Variants in TAF9 observed in about 807,000 individuals in gnomAD.
The protein encoded by TAF9 is transcription initiation factor TFIID subunit 9.
A neutral mutation model predicts 16.5 loss-of-function variants in TAF9; 10 were observed. The ratio of observed to expected loss-of-function variants is 0.61; its 90% confidence interval spans 0.37 to 1.03. The LOEUF (loss-of-function observed/expected upper bound fraction) is 1.03. Among genes scored for constraint, TAF9 ranks in the 50% least tolerant of loss-of-function variants. TAF9 has a pLI of 0.01. For missense variants in TAF9, 288 were observed against 319.1 expected, an observed-to-expected ratio of 0.90 and a Z score of 0.74; for synonymous variants, 105 against 120.5, an observed-to-expected ratio of 0.87 and a Z score of 0.84.
chr5:69,366,691 C>T (rs567379898), intron 1 of TAF9, 96 bp from the exon 2 acceptor site: 13 of 857,288 alleles, frequency 1.5e-5, no homozygotes, highest in Admixed American at 1.2e-4. Context: ...GAGACAGAGT[C>T]TCACCTGGCC....
At position 69,365,174 on chromosome 5, in the gene TAF9, T is replaced by C; in HGVS notation, c.564A>G (p.Thr188=). 1.2e-6 allele frequency: 2 copies of C among 1,614,238 alleles called. No homozygotes were observed. Among genetic ancestry groups the C allele is most frequent in the Non-Finnish European group, 8.5e-7 (1 of 1,180,034 alleles). ...TPMSLTGQRF[T]VQMPTSQSPA... is the part of the protein sequence containing the mutation. ...GAGACTGAGAAGTAGGCATCTGTACTGTAAACCTTTGACCTGTGAGGGACA... is the reference window on the plus strand; with the variant it reads ...GAGACTGAGAAGTAGGCATCTGTACCGTAAACCTTTGACCTGTGAGGGACA... Residue 188 remains threonine, a synonymous_variant, in exon 3 of 3, where the codon ACA becomes ACG. Coordinates refer to ENST00000217893, the MANE Select transcript of TAF9 (RefSeq NM_003187.5).
chr5:69,367,797 C>T (rs1340587447), intron 1 of TAF9: 2 of 152,188 alleles, frequency 1.3e-5, no homozygotes, highest in African/African-American at 2.4e-5. Context: ...TCCCCACCTC[C>T]ACCTCCCAAA....
At chr5:69,367,150 G>C (rs1339791587) in intron 1 of TAF9, among the ~76,000 whole-genome samples, 1 of 152,122 alleles carries the variant, frequency 6.6e-6, no homozygotes, top group South Asian at 2.1e-4. Context: ...TTCTCCAGGG[G>C]TGGGGCTCAG....
At chr5:69,365,830 T>TA (rs1240027036) in intron 2 of TAF9, 76 bp from the exon 3 acceptor site, 7 of 1,115,364 alleles carry the variant, frequency 6.3e-6, no homozygotes, top group Middle Eastern at 4.3e-4. Context: ...GTCAGGAACT[T>TA]AAAAAAATTT....
rs751091613 is a variant in TAF9, at chr5:69,365,049, A to G, written c.689T>C (p.Met230Thr). 6.8e-6 allele frequency: 11 copies of G among 1,613,946 alleles called. No homozygotes were observed. The highest frequency in any genetic ancestry group is 6.6e-5 in the South Asian group (6 of 91,084). ...GSKNILITTN[M>T]MSSQNTANES... ...ATTGGCAGTATTTTGTGATGACATCATATTAGTGGTAATAAGAATGTTTTT... is the reference window on the plus strand; with the variant it reads ...ATTGGCAGTATTTTGTGATGACATCGTATTAGTGGTAATAAGAATGTTTTT... Residue 230 changes from methionine (M) to threonine (T), a missense_variant, in exon 3 of 3, where the codon ATG becomes ACG. By Grantham distance (81) the Met-to-Thr change is moderately conservative. Transcript: ENST00000217893.
At chr5:69,367,579 CAAGAT>C (rs1003772324) in intron 1 of TAF9, among the ~76,000 whole-genome samples, 1 of 150,800 alleles carries the variant, frequency 6.6e-6, no homozygotes, top group African/African-American at 2.4e-5. Context: ...TTTTTAAAGA[CAAGAT>C]ATCTCTTTGT....
rs779258687 is a variant in TAF9 at position 69,365,261 on chromosome 5, A to G, written c.477T>C (p.Thr159=). ...SVGSVTSRPS[T]PTLGTPTPQT... Reference sequence around the variant, plus strand: ...GTGGGGTTGGTGTGCCTAGTGTGGGAGTACTTGGTCTGCTAGTAACTGAAC... The same window carrying G: ...GTGGGGTTGGTGTGCCTAGTGTGGGGGTACTTGGTCTGCTAGTAACTGAAC... Residue 159 remains threonine (T), a synonymous_variant, in exon 3 of 3, where the codon ACT becomes ACC. Coordinates refer to ENST00000217893, the MANE Select transcript of TAF9 (RefSeq NM_003187.5). 5.6e-6 allele frequency: 9 copies of G among 1,614,068 alleles called. No homozygotes were observed. Among genetic ancestry groups the G allele is most frequent in the Non-Finnish European group, 7.6e-6 (9 of 1,180,038 alleles).
At chr5:69,369,607 C>T (rs1479266202), upstream of TAF9, 1 of 1,583,248 alleles carries the variant, frequency 6.3e-7, no homozygotes, top group Non-Finnish European at 8.6e-7. Context: ...CGAAGCCCAC[C>T]GCGGCGCCCC....
In TAF9 at chr5:69,365,013, T is replaced by G. The variant is rs1762356692; in HGVS notation, c.725A>C (p.Asn242Thr). ...ATCTTCACGTTTTCTTTTCAATGCA[T>G]TTGATGATTCATTGGCAGTATTTTG... Reference protein sequence around the residue: ...SSQNTANESSNALKRKREDDD... With the variant: ...SSQNTANESSTALKRKREDDD... The change falls in exon 3 of 3, where the codon AAT becomes ACT. Residue 242 changes from asparagine to threonine, a missense_variant. Coordinates refer to ENST00000217893, the MANE Select transcript of TAF9 (RefSeq NM_003187.5). The G allele has an allele frequency of 6.2e-7, 1 of 1,614,174 alleles. No homozygotes were observed. The highest frequency in any genetic ancestry group is 8.5e-7 in the Non-Finnish European group (1 of 1,180,012).
rs17356016 is a variant in TAF9 at position 69,369,499 on chromosome 5, C to T, written c.-147G>A. 5 of 1,611,610 alleles carry T rather than the reference C, an allele frequency of 3.1e-6. No individual in the cohort carries two copies. The East Asian group carries it at 6.7e-5, about 22-fold the overall frequency. The stretch of plus-strand genomic sequence containing the variant: ...ATGTTCGGAAGCAACATGGTCCCCG[C>T]CGCGACGGCTTCGGGCGCCTCGCTC... On this transcript the variant is annotated 5_prime_UTR_variant, in exon 1 of 3. Transcript: ENST00000217893.
At chr5:69,369,400 G>T in intron 1 of TAF9, 63 bp downstream of exon 1, 1 of 1,583,846 alleles carries the variant, frequency 6.3e-7, no homozygotes, top group Non-Finnish European at 8.6e-7. Context: ...GGCGCCCGAT[G>T]CCCAGAGCAC....
At chr5:69,369,623 T>C (rs1319323211), upstream of TAF9, 1 of 1,571,856 alleles carries the variant, frequency 6.4e-7, no homozygotes. Context: ...GCCCCTAGCC[T>C]GCCCCGGCGG....
intron 2 of TAF9, among the ~76,000 whole-genome samples, chr5:69,366,096 T>G (rs1443768315): frequency 6.6e-6 from 1 of 152,214 alleles, no homozygotes; most frequent in Non-Finnish European, 1.5e-5. Context: ...TAAGATACCA[T>G]AGCATAGTCA....
rs1429751268 is a variant in TAF9 at position 69,365,004 on chromosome 5, T to C, written c.734A>G (p.Lys245Arg). Residue 245 changes from lysine to arginine, a missense_variant, in exon 3 of 3, where the codon AAA becomes AGA. Physicochemically the swap from Lys to Arg is conservative, Grantham distance 26 (BLOSUM62 2). Coordinates refer to ENST00000217893, the MANE Select transcript of TAF9 (RefSeq NM_003187.5). ...NTANESSNAL[K>R]RKREDDDDDD... ...ATCATCATCATCTTCACGTTTTCTT[T>C]TCAATGCATTTGATGATTCATTGGC... is the stretch of plus-strand genomic sequence containing the variant. The C allele has an allele frequency of 6.2e-7, 1 of 1,614,092 alleles. No homozygotes were observed. Among genetic ancestry groups the C allele is most frequent in the Non-Finnish European group, 8.5e-7 (1 of 1,179,974 alleles).
In TAF9 at chr5:69,369,447, G is replaced by C; in HGVS notation, c.-111+16C>G. On this transcript the variant is annotated intron_variant, in intron 1 of 2. Coordinates refer to ENST00000217893, the MANE Select transcript of TAF9 (RefSeq NM_003187.5). ...AGCCTGCCCCAGCCCAGTCCCTCCC[G>C]GCCGCGCGCCCTGACCGGTGAGCAG... 5.0e-6 allele frequency: 8 copies of C among 1,609,948 alleles called. No individual in the cohort carries two copies. The highest frequency in any genetic ancestry group is 6.8e-6 in the Non-Finnish European group (8 of 1,178,950).
Position 69,369,474 on chromosome 5 carries a change from A to G in TAF9, c.-122T>C. The G allele has an allele frequency of 6.2e-7, 1 of 1,610,952 alleles. No individual in the cohort carries two copies. Among genetic ancestry groups the G allele is most frequent in the African/African-American group, 1.3e-5 (1 of 74,748 alleles). ...CCGCGCGCCCTGACCGGTGAGCAGG[A>G]TGTTCGGAAGCAACATGGTCCCCGC... On this transcript the variant is annotated 5_prime_UTR_variant, in exon 1 of 3. Transcript: ENST00000217893.
In TAF9 at chr5:69,369,226, A is replaced by ACCCCCCCCCCCCCCC. The variant is rs200123392; in HGVS notation, c.-111+236_-111+237insGGGGGGGGGGGGGGG. ...GAGCTGGATCTGCCGACCTCTCTCC[A>ACCCCCCCCCCCCCCC]CCCCCCCCCGCCCCCCCCCGGAGCC... On this transcript the variant is annotated intron_variant, in intron 1 of 2. Coordinates refer to ENST00000217893, the MANE Select transcript of TAF9 (RefSeq NM_003187.5). The ACCCCCCCCCCCCCCC allele has an allele frequency of 1.2e-3, 148 of 124,554 alleles. 30 individuals are homozygous for ACCCCCCCCCCCCCCC. Among genetic ancestry groups the ACCCCCCCCCCCCCCC allele is most frequent in the South Asian group, 7.7e-3 (48 of 6,236 alleles). 7.7% of individuals were successfully genotyped at this position (124,554 alleles called of 1,614,324 possible). A position where few individuals can be genotyped will look rare whatever the true frequency, so the allele number is the denominator to read the frequency against.
rs1762354408 is a variant in TAF9, at chr5:69,364,979, A to G, written c.759T>C (p.Asp253=). ...CATAGTCATCATCATCATCATCGTCATCATCATCATCTTCACGTTTTCTTT... is the reference window on the plus strand; with the variant it reads ...CATAGTCATCATCATCATCATCGTCGTCATCATCATCTTCACGTTTTCTTT... ...ALKRKREDDD[D]DDDDDDDYDN... The change falls in exon 3 of 3, where the codon GAT becomes GAC. Residue 253 remains aspartate (D), a synonymous_variant. Transcript: ENST00000217893. 1.2e-6 allele frequency: 2 copies of G among 1,611,528 alleles called. No homozygotes were observed. The highest frequency in any genetic ancestry group is 1.7e-6 in the Non-Finnish European group (2 of 1,178,522).
At chr5:69,366,392 T>C in intron 2 of TAF9, 111 bp downstream of exon 2, 1 of 791,594 alleles carries the variant, frequency 1.3e-6, no homozygotes. Context: ...TATATATTCT[T>C]TAATGGCAAT....
Sources: gnomAD v4.1 joint callset for allele counts (sites outside exome capture counted in the v4.1 genomes callset) on GRCh38, gnomAD v4.1.1 for gene constraint, MANE v1.5 for transcripts, NCBI Gene and HGNC (gene_info 2026-07-23, HGNC 2026-07-21) for gene names.